CLEC16A: variants seen among roughly 807,000 people sequenced by gnomAD.
CLEC16A encodes the protein protein CLEC16A.
In CLEC16A, 51 loss-of-function variants were observed where a neutral mutation model predicts 109.5. That is an observed-to-expected ratio of 0.47 (90% CI 0.37 to 0.59). The LOEUF (loss-of-function observed/expected upper bound fraction) is 0.59. Ranked by LOEUF, CLEC16A falls within the 20% of genes least tolerant of loss-of-function variation. The pLI, the probability that CLEC16A is intolerant of heterozygous loss-of-function variation, is 0.00. For missense variants in CLEC16A, 1,339 were observed against 1,394.0 expected, an observed-to-expected ratio of 0.96 and a Z score of 0.63; for synonymous variants, 673 against 564.2, an observed-to-expected ratio of 1.19 and a Z score of -2.73.
intron 22 of CLEC16A, among the ~76,000 whole-genome samples, chr16:11,130,666 C>T (rs767755179): frequency 1.3e-5 from 2 of 152,160 alleles, no homozygotes; most frequent in Admixed American, 1.3e-4. Context: ...ATCAAGGGCC[C>T]GTGGGTGCTG....
chr16:11,064,447 T>C (rs1312461865), intron 19 of CLEC16A, among the ~76,000 whole-genome samples: 3 of 152,170 alleles, frequency 2.0e-5, no homozygotes, highest in Non-Finnish European at 4.4e-5. Flanking sequence ...TTCCCCAGAG[T>C]CTTCATGCCT....
At position 10,979,525 on chromosome 16, in the gene CLEC16A, G is replaced by T. The variant is rs1238536715; in HGVS notation, c.957+143G>T. On this transcript the variant is annotated intron_variant, in intron 9 of 23. Coordinates refer to ENST00000409790, the MANE Select transcript of CLEC16A (RefSeq NM_015226.3). ...GTAAAATAACAGCAAAACAGAAGGG[G>T]CTTTCTGTTTTCCAGGTACTAAATA... is the stretch of plus-strand genomic sequence containing the variant. 3 of 701,930 alleles carry T rather than the reference G, an allele frequency of 4.3e-6. No homozygotes were observed. The East Asian group carries it at 8.3e-5, about 19-fold the overall frequency. The allele number at this position is 701,930 out of a possible 1,614,324, so 43.5% of individuals were successfully genotyped here.
intron 23 of CLEC16A, among the ~76,000 whole-genome samples, chr16:11,177,429 C>T (rs2068794446): frequency 6.6e-6 from 1 of 152,012 alleles, no homozygotes; most frequent in East Asian, 1.9e-4. Flanking sequence ...GGTGAAACCT[C>T]ATCTCTACAA....
intron 23 of CLEC16A, among the ~76,000 whole-genome samples, chr16:11,173,084 C>G (rs2068592968): frequency 1.3e-5 from 2 of 152,132 alleles, no homozygotes; most frequent in Admixed American, 6.5e-5. Context: ...CACCACACCT[C>G]CCATTTGGGC....
intron 13 of CLEC16A, among the ~76,000 whole-genome samples, chr16:11,025,407 C>T (rs1263371610): frequency 6.6e-6 from 1 of 152,138 alleles, no homozygotes; most frequent in African/African-American, 2.4e-5. Context: ...TCTCTGGCTT[C>T]CCCTATTAAG....
intron 13 of CLEC16A, chr16:11,027,532 A>G (rs2046480628): frequency 6.4e-7 from 1 of 1,567,262 alleles, no homozygotes; most frequent in Admixed American, 1.7e-5. Flanking sequence ...CTGACAGACA[A>G]CACAGTGATT....
intron 19 of CLEC16A, among the ~76,000 whole-genome samples, chr16:11,062,914 G>A (rs2048563244): frequency 6.6e-6 from 1 of 151,856 alleles, no homozygotes; most frequent in South Asian, 2.1e-4. Flanking sequence ...AGGGCAGTGG[G>A]GAGGGGGCAC....
At chr16:11,155,521 G>A (rs1208202490) in intron 22 of CLEC16A, among the ~76,000 whole-genome samples, 1 of 152,258 alleles carries the variant, frequency 6.6e-6, no homozygotes, top group Admixed American at 6.5e-5. Context: ...CAGGGCAGAC[G>A]TCAACAGAGC....
Position 11,156,660 on chromosome 16 carries a change from C to G in CLEC16A, c.2642-9728C>G, listed in dbSNP as rs552905748. ...TTGGCTGACAGACTGTTGTGGAGGT[C>G]TTTGCTTGCTAATTTACAGACGGTA... is the stretch of plus-strand genomic sequence containing the variant. On this transcript the variant is annotated intron_variant, in intron 22 of 23. Coordinates refer to ENST00000409790, the MANE Select transcript of CLEC16A (RefSeq NM_015226.3). 156 of 1,304,264 alleles carry G rather than the reference C, an allele frequency of 1.2e-4. No individual in the cohort carries two copies. In the African/African-American group the frequency reaches 2.1e-3, roughly 17 times the overall value. The allele number at this position is 1,304,264 out of a possible 1,614,324, so 80.8% of individuals were successfully genotyped here. A position where few individuals can be genotyped will look rare whatever the true frequency, so the allele number is the denominator to read the frequency against.
intron 23 of CLEC16A, among the ~76,000 whole-genome samples, chr16:11,175,351 G>A (rs891607361): frequency 2.0e-5 from 3 of 152,166 alleles, no homozygotes; most frequent in African/African-American, 4.8e-5. Context: ...TCCCCAGCCC[G>A]TGGCCAGGAA....
chr16:11,175,580 A>C (rs2068717127), intron 23 of CLEC16A, among the ~76,000 whole-genome samples: 1 of 152,206 alleles, frequency 6.6e-6, no homozygotes, highest in African/African-American at 2.4e-5. Flanking sequence ...ACCCTTGTAG[A>C]TCAAGTTCAG....
At chr16:10,990,771 T>C (rs1448243614) in intron 10 of CLEC16A, among the ~76,000 whole-genome samples, 1 of 152,180 alleles carries the variant, frequency 6.6e-6, no homozygotes, top group Non-Finnish European at 1.5e-5. Flanking sequence ...TCTGATTGCG[T>C]TGGGCCATTG....
At chr16:10,948,641 TG>T (rs2041558221) in intron 1 of CLEC16A, among the ~76,000 whole-genome samples, 1 of 152,184 alleles carries the variant, frequency 6.6e-6, no homozygotes, top group South Asian at 2.1e-4. Context: ...CCACTTTGTG[TG>T]GGGGTCAAGA....
chr16:11,168,916 G>A (rs1162342490), intron 23 of CLEC16A, among the ~76,000 whole-genome samples: 2 of 152,242 alleles, frequency 1.3e-5, no homozygotes, highest in African/African-American at 4.8e-5. Flanking sequence ...ATGAGGGAAG[G>A]TCACCCTGCG....
chr16:11,164,334 A>G (rs1323013974), intron 22 of CLEC16A, among the ~76,000 whole-genome samples: 1 of 152,218 alleles, frequency 6.6e-6, no homozygotes, highest in Non-Finnish European at 1.5e-5. Context: ...GGGTATAAAT[A>G]GGGCCCTTGC....
At chr16:11,103,820 A>G (rs1376057890) in intron 19 of CLEC16A, among the ~76,000 whole-genome samples, 1 of 152,100 alleles carries the variant, frequency 6.6e-6, no homozygotes, top group Non-Finnish European at 1.5e-5. Context: ...GAAATGTTTG[A>G]ATGAAAAGTC....
At chr16:11,115,636 G>T (rs950868144) in intron 19 of CLEC16A, among the ~76,000 whole-genome samples, 2 of 152,186 alleles carry the variant, frequency 1.3e-5, no homozygotes, top group South Asian at 2.1e-4. Flanking sequence ...GTCTTCAAAA[G>T]TGTTGGGATT....
chr16:11,016,060 T>G (rs1365776858), intron 11 of CLEC16A, among the ~76,000 whole-genome samples: 1 of 152,224 alleles, frequency 6.6e-6, no homozygotes, highest in Non-Finnish European at 1.5e-5. Flanking sequence ...CTCCCAAATA[T>G]GTGTAAAAAT....
At chr16:10,969,958 C>T (rs1289806322) in intron 4 of CLEC16A, among the ~76,000 whole-genome samples, 3 of 152,180 alleles carry the variant, frequency 2.0e-5, no homozygotes, top group Non-Finnish European at 2.9e-5. Context: ...AAAGCATAGA[C>T]GTTGCTATTG....
Sources: gnomAD v4.1 joint callset for allele counts (sites outside exome capture counted in the v4.1 genomes callset) on GRCh38, gnomAD v4.1.1 for gene constraint, MANE v1.5 for transcripts, NCBI Gene and HGNC (gene_info 2026-07-23, HGNC 2026-07-21) for gene names.